Variants in PAX2 observed in about 807,000 individuals in gnomAD.
PAX2 encodes the protein paired box protein Pax-2.
A neutral mutation model predicts 41.7 loss-of-function variants in PAX2; 9 were observed. The observed-to-expected ratio is 0.22, with a 90% confidence interval of 0.13 to 0.38. The LOEUF (loss-of-function observed/expected upper bound fraction) is 0.38. PAX2 is among the 10% of genes least tolerant of loss of function. The pLI, the probability that PAX2 is intolerant of heterozygous loss-of-function variation, is 1.00. For missense variants in PAX2, 418 were observed against 531.6 expected (o/e 0.79, Z 2.10); for synonymous variants, 221 against 212.7 (o/e 1.04, Z -0.34).
At chr10:100,737,204 G>A (rs1334801627) in intron 1 of PAX2, among the ~76,000 whole-genome samples, 2 of 152,210 alleles carry the variant, frequency 1.3e-5, no homozygotes. Flanking sequence ...CAGGTTCTCA[G>A]TCCCAGCAAG....
chr10:100,800,264 CT>C (rs1211220784), intron 5 of PAX2, among the ~76,000 whole-genome samples: 4 of 124,872 alleles, frequency 3.2e-5, no homozygotes, highest in Non-Finnish European at 4.8e-5. Context: ...TTTTTCTTTT[CT>C]TTTCTTTCTT....
At chr10:100,794,013 G>T (rs1847234012) in intron 5 of PAX2, among the ~76,000 whole-genome samples, 1 of 152,186 alleles carries the variant, frequency 6.6e-6, no homozygotes, top group African/African-American at 2.4e-5. Flanking sequence ...AGCAGGAAAT[G>T]GGGCTTCAGC....
intron 7 of PAX2, among the ~76,000 whole-genome samples, chr10:100,809,496 G>C (rs571827413): frequency 1.3e-5 from 2 of 152,160 alleles, no homozygotes; most frequent in Non-Finnish European, 1.5e-5. Context: ...CCTGTCCTTC[G>C]CCTCTCCCTT....
intron 3 of PAX2, among the ~76,000 whole-genome samples, chr10:100,752,563 GT>G (rs1185485301): frequency 6.6e-6 from 1 of 152,246 alleles, no homozygotes; most frequent in African/African-American, 2.4e-5. Flanking sequence ...AGGGCCAAGA[GT>G]GGCCCTGCTG....
At chr10:100,821,580 T>G (rs1848381893) in intron 7 of PAX2, among the ~76,000 whole-genome samples, 1 of 152,216 alleles carries the variant, frequency 6.6e-6, no homozygotes. Context: ...CTGAGGGAAG[T>G]TGCCATTTTG....
intron 5 of PAX2, among the ~76,000 whole-genome samples, chr10:100,783,115 C>A (rs1380372339): frequency 6.6e-6 from 1 of 152,230 alleles, no homozygotes; most frequent in Admixed American, 6.5e-5. Context: ...AGGTTGTGGT[C>A]ACCCAGGGCT....
intron 7 of PAX2, among the ~76,000 whole-genome samples, chr10:100,814,351 CAAAAAAA>C (rs11458573): frequency 1.9e-5 from 1 of 53,728 alleles, no homozygotes; most frequent in Non-Finnish European, 3.0e-5. Flanking sequence ...GACTCCATCT[CAAAAAAA>C]AAAAAAAAAA....
intron 3 of PAX2, among the ~76,000 whole-genome samples, chr10:100,753,484 A>G (rs1326605633): frequency 6.6e-6 from 1 of 152,240 alleles, no homozygotes; most frequent in African/African-American, 2.4e-5. Flanking sequence ...AGTTCTGGGA[A>G]TTCTCACTCA....
rs1449059310 is a variant in PAX2, at chr10:100,827,422, C to G, written c.1109-121C>G. The G allele has an allele frequency of 1.1e-5, 11 of 1,016,640 alleles. No individual in the cohort carries two copies. Among genetic ancestry groups the G allele is most frequent in the Non-Finnish European group, 1.7e-5 (11 of 646,728 alleles). The allele number at this position is 1,016,640 out of a possible 1,614,324, so 63.0% of individuals were successfully genotyped here. On this transcript the variant is annotated intron_variant, in intron 9 of 9. Transcript: ENST00000355243. This position sits in a 1 kb window ranked among gnomAD's most constrained non-coding sequence, Gnocchi z 8.5. ...ACTGGCTCCACTGCCCAGCCAAGGT[C>G]TCCCAGTCCGGATCCCGCTGGACCC...
At chr10:100,777,326 C>G (rs1274256629) in intron 3 of PAX2, among the ~76,000 whole-genome samples, 3 of 151,600 alleles carry the variant, frequency 2.0e-5, no homozygotes, top group African/African-American at 7.3e-5. Context: ...GTCTCAAACT[C>G]CTGACCTCGT....
intron 5 of PAX2, among the ~76,000 whole-genome samples, chr10:100,802,822 C>T (rs999252091): frequency 2.6e-5 from 4 of 152,178 alleles, no homozygotes; most frequent in African/African-American, 9.7e-5. Flanking sequence ...CTTCCCTGCT[C>T]ACTAGATTAA....
At chr10:100,769,225 T>TC (rs2133873617) in intron 3 of PAX2, among the ~76,000 whole-genome samples, 2 of 152,352 alleles carry the variant, frequency 1.3e-5, no homozygotes, top group South Asian at 2.1e-4. Context: ...ACAATAATCT[T>TC]CATAGGTACT....
In PAX2 at chr10:100,806,502, C is replaced by T. The variant is rs758681455; in HGVS notation, c.689C>T (p.Ala230Val). Residue 230 changes from alanine (A) to valine (V), a missense_variant, in exon 6 of 10, where the codon GCT becomes GTT. Around this residue, in one of 2 missense-constraint regions of PAX2, gnomAD observed 310 missense variants for 325.2 expected, o/e 0.95. Coordinates refer to ENST00000355243, the MANE Select transcript of PAX2 (RefSeq NM_000278.5). Reference sequence around the variant, plus strand: ...GACAGTTTGCGGAAGCACTTGCGAGCTGACACCTTCACCCAGCAGCAGCTG... The same window carrying T: ...GACAGTTTGCGGAAGCACTTGCGAGTTGACACCTTCACCCAGCAGCAGCTG... Reference protein sequence around the residue: ...GVDSLRKHLRADTFTQQQLEA... With the variant: ...GVDSLRKHLRVDTFTQQQLEA... 6.2e-7 allele frequency: 1 copy of T among 1,614,224 alleles called. No individual in the cohort carries two copies. The highest frequency in any genetic ancestry group is 1.3e-5 in the African/African-American group (1 of 75,068).
intron 3 of PAX2, among the ~76,000 whole-genome samples, chr10:100,761,409 C>A (rs1395772866): frequency 6.6e-6 from 1 of 152,138 alleles, no homozygotes; most frequent in Non-Finnish European, 1.5e-5. Flanking sequence ...TGGATCAGGT[C>A]ACTCCTGGCC....
intron 4 of PAX2, 36 bp from the exon 5 acceptor site, chr10:100,781,210 C>A: frequency 6.2e-7 from 1 of 1,612,728 alleles, no homozygotes; most frequent in Admixed American, 1.7e-5. Context: ...TGCTAAACTG[C>A]TATCCTGATG....
intron 1 of PAX2, chr10:100,735,829 C>A: frequency 1.2e-6 from 1 of 833,276 alleles, no homozygotes; most frequent in African/African-American, 1.8e-5. Flanking sequence ...CCTCTTTCAT[C>A]CCTGTGCTCA....
chr10:100,765,482 T>C (rs1845987482), intron 3 of PAX2, among the ~76,000 whole-genome samples: 1 of 152,262 alleles, frequency 6.6e-6, no homozygotes, highest in Non-Finnish European at 1.5e-5. Context: ...GATTTCATTA[T>C]TCGTCATTTA....
At chr10:100,762,070 G>A (rs917912422) in intron 3 of PAX2, among the ~76,000 whole-genome samples, 2 of 152,004 alleles carry the variant, frequency 1.3e-5, no homozygotes, top group Non-Finnish European at 2.9e-5. Flanking sequence ...TTTGGAGGAA[G>A]CAGCCCTGCC....
rs367681543 is a variant in PAX2, at chr10:100,750,906, C to T, written c.410+15C>T. ...TCCATCAACAGGTGAGCAAGCCACC[C>T]GGGTTTTCAGGGCTGGACTCCAGCT... On this transcript the variant is annotated intron_variant, in intron 3 of 9. Coordinates refer to ENST00000355243, the MANE Select transcript of PAX2 (RefSeq NM_000278.5). This position sits in a 1 kb window ranked among gnomAD's most constrained non-coding sequence, Gnocchi z 4.1. 8.1e-6 allele frequency: 13 copies of T among 1,608,722 alleles called. No individual in the cohort carries two copies. Among genetic ancestry groups the T allele is most frequent in the Middle Eastern group, 1.6e-4 (1 of 6,066 alleles).
Sources: gnomAD v4.1 joint callset for allele counts (sites outside exome capture counted in the v4.1 genomes callset) on GRCh38, gnomAD v4.1.1 for gene constraint, gnomAD v4.1.1 regional missense constraint, Gnocchi (gnomAD v3.1) non-coding constraint, MANE v1.5 for transcripts, NCBI Gene and HGNC (gene_info 2026-07-23, HGNC 2026-07-21) for gene names.